NEMP1: variants seen among roughly 807,000 people sequenced by gnomAD.
NEMP1 encodes nuclear envelope integral membrane protein 1.
A neutral mutation model predicts 53.7 loss-of-function variants in NEMP1; 29 were observed. The observed-to-expected ratio is 0.54, with a 90% CI of 0.40 to 0.74. The LOEUF is 0.74. Ranked by LOEUF, NEMP1 falls within the 30% of genes least tolerant of loss-of-function variation. The pLI, the probability that NEMP1 is intolerant of heterozygous loss-of-function variation, is 0.00. For synonymous variants in NEMP1, 193 were observed against 192.9 expected (o/e 1.00, Z 0.00); for missense variants, 477 against 528.6 (o/e 0.90, Z 0.96).
At chr12:57,060,153 CG>C in intron 8 of NEMP1, 94 bp from the exon 9 acceptor site, 1 of 1,150,400 alleles carries the variant, frequency 8.7e-7, no homozygotes, top group Non-Finnish European at 1.2e-6. Flanking sequence ...TCGATATGCT[CG>C]CAACTCAAAT....
At chr12:57,073,735 A>G (rs1347016984) in intron 1 of NEMP1, among the ~76,000 whole-genome samples, 5 of 152,256 alleles carry the variant, frequency 3.3e-5, no homozygotes, top group Admixed American at 3.3e-4. Flanking sequence ...GCACTCTCAT[A>G]ATCCCTATTT....
intron 4 of NEMP1, among the ~76,000 whole-genome samples, chr12:57,065,614 T>C (rs2032035841): frequency 6.6e-6 from 1 of 151,336 alleles, no homozygotes; most frequent in South Asian, 2.1e-4. Context: ...CTTGATCTAC[T>C]GGGCCCAGGT....
chr12:57,085,704 C>T (rs1486396377), intron 1 of NEMP1, among the ~76,000 whole-genome samples: 3 of 152,220 alleles, frequency 2.0e-5, no homozygotes, highest in African/African-American at 7.2e-5. Context: ...CTTCGGCCTA[C>T]TACCTTTAGC....
At chr12:57,066,653 C>T (rs1259925664) in intron 4 of NEMP1, among the ~76,000 whole-genome samples, 2 of 152,212 alleles carry the variant, frequency 1.3e-5, no homozygotes, top group Non-Finnish European at 2.9e-5. Context: ...GTTGTTAGAA[C>T]ACCCATGACA....
intron 1 of NEMP1, among the ~76,000 whole-genome samples, chr12:57,086,453 CAG>C (rs1007014530): frequency 1.2e-4 from 18 of 152,194 alleles, no homozygotes; most frequent in East Asian, 1.9e-4. Context: ...CAAGGGGACA[CAG>C]GGGAGAACAG....
chr12:57,064,769 T>C, intron 4 of NEMP1, 30 bp from the exon 5 acceptor site: 1 of 1,527,884 alleles, frequency 6.5e-7, no homozygotes, highest in Non-Finnish European at 9.0e-7. Context: ...TTCATGACCA[T>C]ATGTATATAT....
intron 7 of NEMP1, 40 bp from the exon 8 acceptor site, chr12:57,060,985 A>C (rs771271923): frequency 1.9e-6 from 3 of 1,597,158 alleles, no homozygotes; most frequent in Non-Finnish European, 2.6e-6. Flanking sequence ...ATTAATCAGT[A>C]ATCTATATCC....
intron 7 of NEMP1, 50 bp downstream of exon 7, chr12:57,063,069 G>A: frequency 1.4e-6 from 2 of 1,439,312 alleles, no homozygotes; most frequent in South Asian, 1.2e-5. Flanking sequence ...TGCTGCAACT[G>A]CATCCCACAA....
chr12:57,068,816 T>C lies in NEMP1; in HGVS notation c.545+418A>G, dbSNP rs542844927. 9.8e-5 allele frequency among the ~76,000 whole-genome samples: 15 copies of C among 152,306 alleles called. No homozygotes were observed. In the East Asian group the frequency reaches 2.1e-3, roughly 22 times the overall value. On this transcript the variant is annotated intron_variant, in intron 4 of 8. Transcript: ENST00000300128. ...CTCCTGACCTCATGATCCGCCAGCC[T>C]TGGCCTCCCAAAGTGCTGTGATTAC...
chr12:57,071,905 T>C (rs541779418), intron 2 of NEMP1, among the ~76,000 whole-genome samples: 1 of 152,320 alleles, frequency 6.6e-6, no homozygotes, highest in East Asian at 1.9e-4. Context: ...ACTATGCTTA[T>C]AACAACTACG....
chr12:57,084,049 G>C (rs2032923186), intron 1 of NEMP1, among the ~76,000 whole-genome samples: 1 of 152,094 alleles, frequency 6.6e-6, no homozygotes, highest in Non-Finnish European at 1.5e-5. Flanking sequence ...TGCAACTTCT[G>C]CTTCCCAGGT....
At chr12:57,062,075 T>C (rs544027525) in intron 7 of NEMP1, among the ~76,000 whole-genome samples, 1 of 152,268 alleles carries the variant, frequency 6.6e-6, no homozygotes, top group East Asian at 1.9e-4. Context: ...ATAGACAACT[T>C]CAGGACCTAG....
Position 57,070,897 on chromosome 12 carries a change from T to TAAATAAAATA in NEMP1, c.253-5_253-4insTATTTTATTT. The stretch of plus-strand genomic sequence containing the variant: ...ATCTGGAACTATTTACTCGGATCTG[T>TAAATAAAATA]AACACAAATAAAATCAGGATGAGAA... On this transcript the variant is annotated splice_region_variant and splice_polypyrimidine_tract_variant and intron_variant, in intron 2 of 8. Transcript: ENST00000300128. 6.3e-7 allele frequency: 1 copy of TAAATAAAATA among 1,592,042 alleles called. No homozygotes were observed. The highest frequency in any genetic ancestry group is 8.6e-7 in the Non-Finnish European group (1 of 1,169,192).
intron 4 of NEMP1, among the ~76,000 whole-genome samples, chr12:57,066,916 C>T (rs2032109280): frequency 2.0e-5 from 3 of 152,198 alleles, no homozygotes; most frequent in Admixed American, 2.0e-4. Context: ...TAAGATGTGC[C>T]TTTTGCATTC....
chr12:57,056,319 G>A lies in NEMP1; in HGVS notation c.*3560C>T, dbSNP rs1379420564. ...GACATCACTGGGTCATAATTATATAGGTTCCCCTAAAAAAATAAAAAAAAA... is the reference window on the plus strand; with the variant it reads ...GACATCACTGGGTCATAATTATATAAGTTCCCCTAAAAAAATAAAAAAAAA... On this transcript the variant is annotated 3_prime_UTR_variant, in exon 9 of 9. Transcript: ENST00000300128. 1.3e-5 allele frequency: 2 copies of A among 151,786 alleles called. No homozygotes were observed. The highest frequency in any genetic ancestry group is 2.4e-5 in the African/African-American group (1 of 41,264). The allele number at this position is 151,786 out of a possible 1,614,324, so 9.4% of individuals were successfully genotyped here.
intron 4 of NEMP1, among the ~76,000 whole-genome samples, chr12:57,067,688 G>A (rs1046627381): frequency 6.6e-6 from 1 of 152,216 alleles, no homozygotes; most frequent in African/African-American, 2.4e-5. Context: ...TGTAGTTACT[G>A]CCAGATTATG....
chr12:57,069,889 G>A (rs1243997052), intron 3 of NEMP1, among the ~76,000 whole-genome samples: 3 of 149,866 alleles, frequency 2.0e-5, no homozygotes, highest in South Asian at 2.1e-4. Flanking sequence ...AGAGTTCTAC[G>A]GGAGGCCCAC....
chr12:57,064,843 G>A, intron 4 of NEMP1, 104 bp from the exon 5 acceptor site: 1 of 808,474 alleles, frequency 1.2e-6, no homozygotes, highest in South Asian at 1.8e-5. Flanking sequence ...AAAGGTACAA[G>A]ATTAGAGCAG....
rs1272166137 is a variant in NEMP1 at position 57,057,182 on chromosome 12, G to C, written c.*2697C>G. On this transcript the variant is annotated 3_prime_UTR_variant, in exon 9 of 9. Transcript: ENST00000300128. Reference sequence around the variant, plus strand: ...CTACATAATTTGGTCAGACTGATGAGAGGCAATAGATTTCCAATGCTGATG... The same window carrying C: ...CTACATAATTTGGTCAGACTGATGACAGGCAATAGATTTCCAATGCTGATG... 2.6e-5 allele frequency: 4 copies of C among 152,190 alleles called. No homozygotes were observed. The highest frequency in any genetic ancestry group is 4.4e-5 in the Non-Finnish European group (3 of 68,038). The allele number at this position is 152,190 out of a possible 1,614,324, so 9.4% of individuals were successfully genotyped here.
Sources: allele counts gnomAD v4.1 joint callset (sites outside exome capture counted in the v4.1 genomes callset), GRCh38; gene constraint gnomAD v4.1.1; transcripts MANE v1.5; gene names NCBI Gene and HGNC (gene_info 2026-07-23, HGNC 2026-07-21).